The following SORCS1 variants were observed in gnomAD, a reference collection of about 807,000 sequenced individuals.
SORCS1 encodes the protein sortilin related VPS10 domain containing receptor 1, also known as VPS10 domain-containing receptor SorCS1.
In SORCS1, 60 loss-of-function variants were observed where a neutral mutation model predicts 146.1. The observed-to-expected ratio is 0.41, with a 90% CI of 0.33 to 0.51. The LOEUF (loss-of-function observed/expected upper bound fraction) is 0.51. Among genes scored for constraint, SORCS1 ranks in the 20% least tolerant of loss-of-function variants. The pLI, the probability that SORCS1 is intolerant of heterozygous loss-of-function variation, is 0.21. For synonymous variants in SORCS1, 637 were observed against 584.0 expected (o/e 1.09, Z -1.31); for missense variants, 1,352 against 1,487.6 (o/e 0.91, Z 1.50).
intron 5 of SORCS1, among the ~76,000 whole-genome samples, chr10:106,738,280 C>G (rs916044995): frequency 6.6e-6 from 1 of 152,030 alleles, no homozygotes; most frequent in East Asian, 1.9e-4. Flanking sequence ...TACAGCTGTA[C>G]TATTAATAAA....
intron 6 of SORCS1, among the ~76,000 whole-genome samples, chr10:106,716,860 G>C (rs1040801061): frequency 1.4e-4 from 22 of 152,058 alleles, no homozygotes; most frequent in African/African-American, 4.8e-4. Context: ...TCCAGGCCGG[G>C]CTCGGTGATT....
At chr10:106,907,002 C>G (rs983152306) in intron 2 of SORCS1, among the ~76,000 whole-genome samples, 12 of 152,104 alleles carry the variant, frequency 7.9e-5, no homozygotes, top group African/African-American at 2.7e-4. Context: ...TTCTTCCAAG[C>G]TAACATATTG....
chr10:106,843,887 T>C (rs934412751), intron 2 of SORCS1, among the ~76,000 whole-genome samples: 7 of 152,224 alleles, frequency 4.6e-5, no homozygotes, highest in African/African-American at 1.4e-4. Context: ...TATCTCAAGA[T>C]AGTGATTTTA....
At chr10:107,001,670 G>T (rs1957230151) in intron 1 of SORCS1, among the ~76,000 whole-genome samples, 2 of 152,162 alleles carry the variant, frequency 1.3e-5, no homozygotes, top group African/African-American at 4.8e-5. Context: ...CATCATGTTG[G>T]CCAGGCTGGT....
chr10:106,748,011 C>T (rs1857869740), intron 5 of SORCS1, among the ~76,000 whole-genome samples: 1 of 152,180 alleles, frequency 6.6e-6, no homozygotes, highest in Non-Finnish European at 1.5e-5. Flanking sequence ...TTATTGAGCA[C>T]CTCTTCCATC....
chr10:107,093,806 T>C (rs1178528823), intron 1 of SORCS1, among the ~76,000 whole-genome samples: 1 of 152,156 alleles, frequency 6.6e-6, no homozygotes, highest in African/African-American at 2.4e-5. Flanking sequence ...TCTTCCACCA[T>C]GATCTCTCTG....
intron 1 of SORCS1, among the ~76,000 whole-genome samples, chr10:107,029,781 CTAT>C (rs1958568067): frequency 6.6e-6 from 1 of 152,180 alleles, no homozygotes; most frequent in African/African-American, 2.4e-5. Context: ...CAAACTCATT[CTAT>C]TTTCTCACTC....
intron 2 of SORCS1, among the ~76,000 whole-genome samples, chr10:106,952,490 G>A (rs1361468694): frequency 3.3e-5 from 5 of 150,674 alleles, no homozygotes; most frequent in Admixed American, 1.3e-4. Context: ...TCTTGAGTAC[G>A]GGCACTGTGA....
intron 2 of SORCS1, among the ~76,000 whole-genome samples, chr10:106,951,311 A>G (rs1954668780): frequency 6.6e-6 from 1 of 152,046 alleles, no homozygotes; most frequent in Admixed American, 6.5e-5. Flanking sequence ...GGAGATCGAG[A>G]CCATCCTGGC....
intron 5 of SORCS1, among the ~76,000 whole-genome samples, chr10:106,742,941 G>T (rs905368536): frequency 1.3e-5 from 2 of 152,078 alleles, no homozygotes; most frequent in African/African-American, 4.8e-5. Flanking sequence ...GCAAAGACAG[G>T]GAAGCTATTT....
At chr10:107,176,547 C>T in the SORCS1 span, among the ~76,000 whole-genome samples, 1 of 151,966 alleles carries the variant, frequency 6.6e-6, no homozygotes, top group Admixed American at 6.6e-5. Context: ...ATGTTGCTGC[C>T]TAGGCTGGTC....
At chr10:107,026,420 C>T (rs1958407560) in intron 1 of SORCS1, among the ~76,000 whole-genome samples, 1 of 151,922 alleles carries the variant, frequency 6.6e-6, no homozygotes, top group Admixed American at 6.6e-5. Flanking sequence ...GAGATCGAGA[C>T]CATCCTGGCT....
At chr10:106,870,895 C>A (rs1950384301) in intron 2 of SORCS1, among the ~76,000 whole-genome samples, 1 of 152,086 alleles carries the variant, frequency 6.6e-6, no homozygotes, top group Non-Finnish European at 1.5e-5. Flanking sequence ...AAGAACAAAA[C>A]TATCAACAGA....
At chr10:106,943,403 T>G (rs2138781798) in intron 2 of SORCS1, among the ~76,000 whole-genome samples, 1 of 152,250 alleles carries the variant, frequency 6.6e-6, no homozygotes, top group Admixed American at 6.5e-5. Context: ...GCCTTCCAAA[T>G]ATGTCTTCAC....
chr10:107,125,796 T>C (rs1320406625), intron 1 of SORCS1, among the ~76,000 whole-genome samples: 5 of 152,322 alleles, frequency 3.3e-5, no homozygotes, highest in South Asian at 2.1e-4. Context: ...TGAAGTTTAA[T>C]AGGATTTTAA....
Position 106,699,310 on chromosome 10 carries a change from G to A in SORCS1, c.1317C>T (p.Tyr439=). The A allele has an allele frequency of 1.9e-6, 3 of 1,614,092 alleles. No individual in the cohort carries two copies. Among genetic ancestry groups the A allele is most frequent in the Non-Finnish European group, 2.5e-6 (3 of 1,179,930 alleles). The change falls in exon 9 of 26, where the codon TAC becomes TAT. Residue 439 remains tyrosine, a synonymous_variant. Coordinates refer to ENST00000263054, the MANE Select transcript of SORCS1 (RefSeq NM_052918.5). The part of the protein sequence containing the change: ...EWNQNDTYNL[Y]ISDTRGVYFT... ...AGTAGACACCACGTGTGTCTGAGAT[G>A]TAGAGGTTGTACGTGTCATTCTGGT...
At chr10:106,878,165 CTTT>C (rs35701765) in intron 2 of SORCS1, among the ~76,000 whole-genome samples, 1 of 141,068 alleles carries the variant, frequency 7.1e-6, no homozygotes, top group Admixed American at 7.1e-5. Flanking sequence ...GCAGACAGGG[CTTT>C]TTTTTTTTTT....
At chr10:106,961,940 A>T (rs1955244759) in intron 1 of SORCS1, among the ~76,000 whole-genome samples, 1 of 152,196 alleles carries the variant, frequency 6.6e-6, no homozygotes, top group Non-Finnish European at 1.5e-5. Context: ...TTCTTCTACC[A>T]TCAGCTCACT....
chr10:106,743,284 C>G (rs191891022), intron 5 of SORCS1, among the ~76,000 whole-genome samples: 129 of 152,166 alleles, frequency 8.5e-4, no homozygotes, highest in African/African-American at 3.0e-3. Context: ...GAAAGAGAAG[C>G]CAGAGAGAGG....
Sources: allele counts gnomAD v4.1 joint callset (sites outside exome capture counted in the v4.1 genomes callset), GRCh38; gene constraint gnomAD v4.1.1; transcripts MANE v1.5; gene names NCBI Gene and HGNC (gene_info 2026-07-23, HGNC 2026-07-21).